The following PPARGC1A variants were observed in gnomAD, a reference collection of about 807,000 sequenced individuals.
PPARGC1A encodes the protein PPARG coactivator 1 alpha.
A neutral mutation model predicts 88.7 loss-of-function variants in PPARGC1A; 25 were observed. The ratio of observed to expected loss-of-function variants is 0.28; its 90% CI spans 0.21 to 0.39. PPARGC1A has a LOEUF of 0.39. PPARGC1A is among the 10% of genes least tolerant of loss of function. The probability of loss-of-function intolerance (pLI) is 1.00; values close to 1 mark genes in which losing one functional copy is unlikely to be tolerated. For synonymous variants in PPARGC1A, 363 were observed against 355.6 expected, an observed-to-expected ratio of 1.02 and a Z score of -0.24; for missense variants, 880 against 968.7, an observed-to-expected ratio of 0.91 and a Z score of 1.22.
At chr4:23,985,582 C>T in the PPARGC1A span, among the ~76,000 whole-genome samples, 1 of 147,584 alleles carries the variant, frequency 6.8e-6, no homozygotes, top group South Asian at 2.2e-4. Context: ...GAGATAAAGG[C>T]ACATCCATAA....
chr4:24,077,553 T>C, the PPARGC1A span, among the ~76,000 whole-genome samples: 3 of 151,932 alleles, frequency 2.0e-5, no homozygotes, highest in Non-Finnish European at 4.4e-5. Context: ...CTGTTTTTTT[T>C]TTCTTCCTGA....
At chr4:24,091,569 A>T in the PPARGC1A span, 1 of 985,394 alleles carries the variant, frequency 1.0e-6, no homozygotes, top group Non-Finnish European at 1.2e-6. Flanking sequence ...TGGATTCGCC[A>T]GCGGCTGTTA....
the PPARGC1A span, among the ~76,000 whole-genome samples, chr4:24,373,609 C>T: frequency 2.0e-5 from 3 of 152,046 alleles, no homozygotes; most frequent in Non-Finnish European, 4.4e-5. Flanking sequence ...AGAAATGAGG[C>T]ATGTTATACA....
the PPARGC1A span, among the ~76,000 whole-genome samples, chr4:24,089,500 C>G: frequency 2.1e-5 from 2 of 94,254 alleles, no homozygotes; most frequent in Non-Finnish European, 4.4e-5. Flanking sequence ...CTTTTCTTTT[C>G]TTTTCTTTTC....
At chr4:24,167,575 C>T in the PPARGC1A span, among the ~76,000 whole-genome samples, 1 of 152,274 alleles carries the variant, frequency 6.6e-6, no homozygotes, top group East Asian at 1.9e-4. Flanking sequence ...ATGAGGCAAA[C>T]TTCTCTGCTG....
At chr4:24,406,939 G>A in the PPARGC1A span, among the ~76,000 whole-genome samples, 1 of 152,186 alleles carries the variant, frequency 6.6e-6, no homozygotes, top group Non-Finnish European at 1.5e-5. Flanking sequence ...GCCCCTCAGG[G>A]ATCAGTATCC....
At chr4:24,343,747 T>A in the PPARGC1A span, among the ~76,000 whole-genome samples, 3 of 151,962 alleles carry the variant, frequency 2.0e-5, no homozygotes, top group African/African-American at 7.2e-5. Flanking sequence ...TTTGGGGAAA[T>A]GCTTTTTTTT....
chr4:23,989,316 GA>G, the PPARGC1A span, among the ~76,000 whole-genome samples: 1 of 151,970 alleles, frequency 6.6e-6, no homozygotes, highest in Non-Finnish European at 1.5e-5. Flanking sequence ...TTTCTTGACA[GA>G]TTTTTTTTAA....
At chr4:24,165,098 A>T in the PPARGC1A span, among the ~76,000 whole-genome samples, 470 of 152,286 alleles carry the variant, frequency 3.1e-3, 6 homozygotes, top group East Asian at 5.6e-3. Context: ...GCATTTGAGG[A>T]AAGCGAAATA....
the PPARGC1A span, among the ~76,000 whole-genome samples, chr4:24,327,592 T>A: frequency 2.0e-5 from 3 of 152,104 alleles, no homozygotes; most frequent in Non-Finnish European, 4.4e-5. Flanking sequence ...CCAATCATCC[T>A]ATGCGACAAA....
chr4:24,005,742 TG>T, the PPARGC1A span, among the ~76,000 whole-genome samples: 1 of 151,678 alleles, frequency 6.6e-6, no homozygotes, highest in Non-Finnish European at 1.5e-5. Context: ...GGACATCACT[TG>T]GGCATAGTGA....
At chr4:23,991,869 C>T in the PPARGC1A span, among the ~76,000 whole-genome samples, 14 of 151,774 alleles carry the variant, frequency 9.2e-5, no homozygotes, top group East Asian at 3.9e-4. Context: ...GAAAGAGGAA[C>T]GAAAAGAAAA....
chr4:24,384,996 C>T, the PPARGC1A span, among the ~76,000 whole-genome samples: 3 of 152,062 alleles, frequency 2.0e-5, no homozygotes, highest in Non-Finnish European at 4.4e-5. Flanking sequence ...ATTGGAAGTA[C>T]AACATGCCTC....
the PPARGC1A span, among the ~76,000 whole-genome samples, chr4:24,065,487 G>A: frequency 5.1e-3 from 779 of 152,284 alleles, 7 homozygotes; most frequent in African/African-American, 0.015. Flanking sequence ...TGCCTTCAGT[G>A]TGGCTAAGAA....
the PPARGC1A span, among the ~76,000 whole-genome samples, chr4:24,369,397 C>G: frequency 6.6e-6 from 1 of 152,044 alleles, no homozygotes; most frequent in Admixed American, 6.6e-5. Context: ...GGAATGGCAT[C>G]CGAGACATGG....
the PPARGC1A span, among the ~76,000 whole-genome samples, chr4:24,025,266 T>G: frequency 6.6e-6 from 1 of 152,120 alleles, no homozygotes; most frequent in Non-Finnish European, 1.5e-5. Flanking sequence ...GAAAGAGAAA[T>G]AGAGAGATGC....
chr4:23,907,360 G>A (rs1720170353), upstream of PPARGC1A, among the ~76,000 whole-genome samples: 1 of 152,170 alleles, frequency 6.6e-6, no homozygotes. Flanking sequence ...AACTTTGTAA[G>A]AAAGCATTAA....
chr4:24,358,918 A>C, the PPARGC1A span, among the ~76,000 whole-genome samples: 2 of 152,104 alleles, frequency 1.3e-5, no homozygotes, highest in Non-Finnish European at 2.9e-5. Context: ...TTCCACACCC[A>C]TTTTCCCACC....
the PPARGC1A span, among the ~76,000 whole-genome samples, chr4:24,109,765 G>A: frequency 7.2e-5 from 11 of 152,136 alleles, no homozygotes; most frequent in African/African-American, 2.7e-4. Flanking sequence ...GTAAGCAAAG[G>A]GCTAGGAAGG....
Sources: allele counts gnomAD v4.1 joint callset (sites outside exome capture counted in the v4.1 genomes callset), GRCh38; gene constraint gnomAD v4.1.1; transcripts MANE v1.5; gene names NCBI Gene and HGNC (gene_info 2026-07-23, HGNC 2026-07-21).